MYO1E: variants seen among roughly 807,000 people sequenced by gnomAD.
MYO1E encodes myosin IE.
MYO1E carries 68 observed loss-of-function variants against 151.1 expected under a neutral mutation model. The observed-to-expected ratio is 0.45, with a 90% CI of 0.37 to 0.55. The LOEUF (loss-of-function observed/expected upper bound fraction) is 0.55, where lower values mean the gene tolerates loss of function less well. Among genes scored for constraint, MYO1E ranks in the 20% least tolerant of loss-of-function variants. The pLI is 0.00. For missense variants in MYO1E, 1,363 were observed against 1,389.3 expected, an observed-to-expected ratio of 0.98 and a Z score of 0.30; for synonymous variants, 601 against 501.7, an observed-to-expected ratio of 1.20 and a Z score of -2.64.
intron 1 of MYO1E, chr15:59,341,224 A>G (rs2080763701): frequency 6.6e-6 from 1 of 152,110 alleles, no homozygotes; most frequent in African/African-American, 2.4e-5. Context: ...AAATCCAGTA[A>G]TACTCTTTTA....
At chr15:59,245,391 A>T (rs1378809696) in intron 4 of MYO1E, among the ~76,000 whole-genome samples, 2 of 152,248 alleles carry the variant, frequency 1.3e-5, no homozygotes, top group African/African-American at 4.8e-5. Flanking sequence ...TCTTAGCTCC[A>T]GTGATGACTA....
Position 59,208,711 on chromosome 15 carries a change from T to C in MYO1E, c.1500A>G (p.Gln500=). ...GSHEHFNSWN[Q]GFIIHHYAGK... ...CAGCATAATGATGAATGATGAAGCC[T>C]TGGTTCCAACTGTTGAAGTGCTCAT... The change falls in exon 14 of 28, where the codon CAA becomes CAG. Residue 500 remains glutamine (Q), a synonymous_variant. Transcript: ENST00000288235. The C allele has an allele frequency of 1.9e-6, 3 of 1,614,232 alleles. No individual in the cohort carries two copies. The highest frequency in any genetic ancestry group is 1.3e-5 in the African/African-American group (1 of 75,060).
At chr15:59,334,196 A>C (rs2080714583) in intron 1 of MYO1E, among the ~76,000 whole-genome samples, 1 of 152,140 alleles carries the variant, frequency 6.6e-6, no homozygotes, top group African/African-American at 2.4e-5. Context: ...CAGGAGGGTC[A>C]CCTGAGCCCA....
chr15:59,223,103 C>G lies in MYO1E; in HGVS notation c.866G>C (p.Ser289Thr). 6.2e-7 allele frequency: 1 copy of G among 1,614,042 alleles called. No individual in the cohort carries two copies. Among genetic ancestry groups the G allele is most frequent in the Non-Finnish European group, 8.5e-7 (1 of 1,180,028 alleles). The change falls in exon 9 of 28, where the codon AGC (serine) becomes ACC (threonine). Residue 289 changes from serine to threonine, a missense_variant. By Grantham distance (58) the Ser-to-Thr change is moderately conservative. Transcript: ENST00000288235. Reference protein sequence around the residue: ...VAGILHLGNISFKEVGNYAAV... With the variant: ...VAGILHLGNITFKEVGNYAAV... ...CGCGTAGTTGCCAACTTCTTTGAAG[C>G]TGATGTTTCCCAGGTGGAGAATACC...
chr15:59,210,579 T>C lies in MYO1E; in HGVS notation c.1297A>G (p.Ile433Val), dbSNP rs756182946. The change falls in exon 13 of 28, where the codon ATA becomes GTA. Residue 433 changes from isoleucine (I) to valine (V), a missense_variant. By Grantham distance (29) the Ile-to-Val change is conservative. Coordinates refer to ENST00000288235, the MANE Select transcript of MYO1E (RefSeq NM_004998.4). ...AAGTACTCAATGGGTGTCCATCTTA[T>C]TCCCTCTTGAACATATTCTTCCTGT... ...AEQEEYVQEG[I>V]RWTPIEYFNN... is the part of the protein sequence containing the mutation. The C allele has an allele frequency of 1.2e-6, 2 of 1,602,674 alleles. No individual in the cohort carries two copies. The highest frequency in any genetic ancestry group is 1.7e-5 in the Admixed American group (1 of 60,020).
At chr15:59,204,289 C>T (rs1304397759) in intron 15 of MYO1E, among the ~76,000 whole-genome samples, 1 of 152,154 alleles carries the variant, frequency 6.6e-6, no homozygotes, top group African/African-American at 2.4e-5. Flanking sequence ...TAGGGAGCTA[C>T]AGGGAGAGAA....
intron 16 of MYO1E, among the ~76,000 whole-genome samples, chr15:59,202,119 A>G (rs2079805953): frequency 6.6e-6 from 1 of 152,196 alleles, no homozygotes; most frequent in South Asian, 2.1e-4. Flanking sequence ...GAGGTACTTA[A>G]TATCCATTTA....
intron 2 of MYO1E, among the ~76,000 whole-genome samples, chr15:59,268,575 T>C (rs2080269787): frequency 6.6e-6 from 1 of 152,048 alleles, no homozygotes; most frequent in Non-Finnish European, 1.5e-5. Flanking sequence ...AACCAAGAAA[T>C]ACATGAGGCA....
Position 59,133,584 on chromosome 15 carries a change from C to T in MYO1E, c.*3796G>A, listed in dbSNP as rs1333881670. 1 of 152,052 alleles carries T rather than the reference C, an allele frequency of 6.6e-6. No homozygotes were observed. The highest frequency in any genetic ancestry group is 2.4e-5 in the African/African-American group (1 of 41,320). The allele number at this position is 152,052 out of a possible 1,614,324, so 9.4% of individuals were successfully genotyped here. On this transcript the variant is annotated 3_prime_UTR_variant, in exon 28 of 28. Coordinates refer to ENST00000288235, the MANE Select transcript of MYO1E (RefSeq NM_004998.4). ...AAGTTACTAAATCCAGAAAGAACTG[C>T]AATCAATCAGCTAGGCCTTGGGAGA...
At chr15:59,257,557 C>T (rs1037182119) in intron 3 of MYO1E, among the ~76,000 whole-genome samples, 31 of 152,156 alleles carry the variant, frequency 2.0e-4, no homozygotes, top group African/African-American at 7.0e-4. Flanking sequence ...TTACTTAATC[C>T]ATTTCATTGT....
chr15:59,179,800 G>A (rs1358738792), intron 18 of MYO1E, among the ~76,000 whole-genome samples: 1 of 152,238 alleles, frequency 6.6e-6, no homozygotes, highest in Non-Finnish European at 1.5e-5. Flanking sequence ...TATTATGTCA[G>A]AGGCTGATAT....
At chr15:59,146,195 C>A (rs1305995666) in intron 26 of MYO1E, among the ~76,000 whole-genome samples, 1 of 152,088 alleles carries the variant, frequency 6.6e-6, no homozygotes, top group Admixed American at 6.6e-5. Flanking sequence ...AATTGTACAA[C>A]TTAGATAATT....
intron 6 of MYO1E, among the ~76,000 whole-genome samples, chr15:59,230,215 A>T (rs28493451): frequency 0.6 from 71,412 of 118,198 alleles, 19,158 homozygotes; most frequent in Non-Finnish European, 0.7. Flanking sequence ...AGAGAGAGAC[A>T]GTGTGTGTTT....
chr15:59,331,906 G>C (rs374859835), intron 1 of MYO1E, among the ~76,000 whole-genome samples: 160 of 152,200 alleles, frequency 1.1e-3, no homozygotes, highest in African/African-American at 3.5e-3. Context: ...TTATTGCAGG[G>C]CAAGGGTGAT....
intron 5 of MYO1E, among the ~76,000 whole-genome samples, 197 bp downstream of exon 5, chr15:59,236,379 CACACACACA>C (rs2080065438): frequency 1.5e-5 from 1 of 68,198 alleles, no homozygotes. Flanking sequence ...TACACACACA[CACACACACA>C]CACACACACA....
intron 5 of MYO1E, 121 bp from the exon 6 acceptor site, chr15:59,231,912 T>A: frequency 1.2e-6 from 1 of 837,370 alleles, no homozygotes; most frequent in Non-Finnish European, 2.0e-6. Context: ...CACACCCGTG[T>A]GTCACTGGTG....
chr15:59,215,032 T>A (rs1299248644), intron 10 of MYO1E, among the ~76,000 whole-genome samples: 1 of 152,224 alleles, frequency 6.6e-6, no homozygotes, highest in Non-Finnish European at 1.5e-5. Context: ...AAATGTCATC[T>A]TGGATGATCG....
intron 12 of MYO1E, among the ~76,000 whole-genome samples, 187 bp downstream of exon 12, chr15:59,214,041 C>T (rs1251823184): frequency 1.3e-5 from 2 of 152,164 alleles, no homozygotes; most frequent in Non-Finnish European, 2.9e-5. Flanking sequence ...GCAAATGCTG[C>T]AGACGGTATT....
At chr15:59,356,606 G>T (rs932080918) in intron 1 of MYO1E, among the ~76,000 whole-genome samples, 4 of 152,134 alleles carry the variant, frequency 2.6e-5, no homozygotes, top group South Asian at 2.1e-4. Context: ...GGGGTTTTTT[G>T]TTGTTGTTTT....
Sources: gnomAD v4.1 joint callset for allele counts (sites outside exome capture counted in the v4.1 genomes callset) on GRCh38, gnomAD v4.1.1 for gene constraint, MANE v1.5 for transcripts, NCBI Gene and HGNC (gene_info 2026-07-23, HGNC 2026-07-21) for gene names.